Variants in NR3C2 observed in about 807,000 individuals in gnomAD.
NR3C2 encodes nuclear receptor subfamily 3 group C member 2.
In NR3C2, 15 loss-of-function variants were observed where a neutral mutation model predicts 86.4. The ratio of observed to expected loss-of-function variants is 0.17; its 90% confidence interval spans 0.12 to 0.27. The LOEUF is 0.27. Ranked by LOEUF, NR3C2 falls within the 10% of genes least tolerant of loss-of-function variation. The pLI, the probability that NR3C2 is intolerant of heterozygous loss-of-function variation, is 1.00. For synonymous variants in NR3C2, 458 were observed against 450.5 expected (o/e 1.02, Z -0.21); for missense variants, 960 against 1,195.6 (o/e 0.80, Z 2.91).
chr4:148,122,717 T>C (rs1249223422), intron 6 of NR3C2, among the ~76,000 whole-genome samples: 4 of 152,340 alleles, frequency 2.6e-5, no homozygotes, highest in South Asian at 2.1e-4. Flanking sequence ...CATTTTAATA[T>C]GGACATTTAT....
At chr4:148,175,503 T>C (rs1735333681) in intron 4 of NR3C2, among the ~76,000 whole-genome samples, 1 of 152,208 alleles carries the variant, frequency 6.6e-6, no homozygotes, top group African/African-American at 2.4e-5. Flanking sequence ...TGAATTTGGC[T>C]TAAAATTTCT....
At chr4:148,388,979 C>T (rs982003527) in intron 2 of NR3C2, among the ~76,000 whole-genome samples, 1 of 152,218 alleles carries the variant, frequency 6.6e-6, no homozygotes, top group African/African-American at 2.4e-5. Flanking sequence ...CAGGAGAAAG[C>T]TTTGCCTGGC....
chr4:148,196,238 G>C (rs1736436342), intron 3 of NR3C2, among the ~76,000 whole-genome samples: 1 of 152,172 alleles, frequency 6.6e-6, no homozygotes, highest in Admixed American at 6.5e-5. Context: ...TAGAAAAAGG[G>C]GACTGTCATT....
At chr4:148,160,712 A>AAT (rs1734618028) in intron 4 of NR3C2, among the ~76,000 whole-genome samples, 1 of 152,154 alleles carries the variant, frequency 6.6e-6, no homozygotes, top group Non-Finnish European at 1.5e-5. Context: ...GTTATATTAA[A>AAT]ATATATATAT....
At chr4:148,183,464 C>T (rs909352618) in intron 4 of NR3C2, among the ~76,000 whole-genome samples, 15 of 152,168 alleles carry the variant, frequency 9.9e-5, no homozygotes, top group East Asian at 3.8e-4. Flanking sequence ...CCTATTTCTC[C>T]GCATCCTCTC....
intron 2 of NR3C2, among the ~76,000 whole-genome samples, chr4:148,298,842 C>T (rs1742189253): frequency 6.6e-6 from 1 of 152,192 alleles, no homozygotes; most frequent in Non-Finnish European, 1.5e-5. Context: ...GAATAAGCAA[C>T]CTGTACCTAC....
At chr4:148,262,772 T>C (rs558286489) in intron 2 of NR3C2, among the ~76,000 whole-genome samples, 4 of 152,310 alleles carry the variant, frequency 2.6e-5, no homozygotes, top group African/African-American at 7.2e-5. Context: ...GAGAACACCA[T>C]GTTTAGATTA....
chr4:148,366,503 T>C (rs1746150980), intron 2 of NR3C2, among the ~76,000 whole-genome samples: 3 of 78,212 alleles, frequency 3.8e-5, no homozygotes, highest in Non-Finnish European at 6.1e-5. Context: ...AAAAGAATAC[T>C]AAGATATTCT....
At chr4:148,391,490 A>C (rs1233365074) in intron 2 of NR3C2, among the ~76,000 whole-genome samples, 1 of 152,234 alleles carries the variant, frequency 6.6e-6, no homozygotes, top group African/African-American at 2.4e-5. Flanking sequence ...CCCCAGAGAA[A>C]GGAAAGAAAG....
intron 2 of NR3C2, among the ~76,000 whole-genome samples, chr4:148,432,917 G>T (rs1037986856): frequency 1.3e-5 from 2 of 152,088 alleles, no homozygotes; most frequent in Non-Finnish European, 2.9e-5. Flanking sequence ...TAATCTATAA[G>T]AGATATCAAA....
chr4:148,197,507 A>T lies in NR3C2; in HGVS notation c.1898-2645T>A, dbSNP rs976466257. On this transcript the variant is annotated intron_variant, in intron 3 of 8. Transcript: ENST00000358102. ...CTTCTGTGAATTTTCAGTAAATGTA[A>T]CTAAGACTTTTTAGATTGTAGGCAT... is the stretch of plus-strand genomic sequence containing the variant. Among the ~76,000 whole-genome samples the T allele has an allele frequency of 1.4e-4, 21 of 152,288 alleles. No homozygotes were observed. The South Asian group carries it at 2.5e-3, about 18-fold the overall frequency.
intron 2 of NR3C2, among the ~76,000 whole-genome samples, chr4:148,355,552 C>A (rs1274794549): frequency 6.6e-6 from 1 of 152,136 alleles, no homozygotes; most frequent in Non-Finnish European, 1.5e-5. Flanking sequence ...GGCAGTGCCA[C>A]CTCTGTACTC....
intron 3 of NR3C2, among the ~76,000 whole-genome samples, chr4:148,199,848 T>G (rs1736629405): frequency 6.6e-6 from 1 of 152,184 alleles, no homozygotes; most frequent in Non-Finnish European, 1.5e-5. Context: ...AATCTCCCTA[T>G]GTAACAAACC....
intron 2 of NR3C2, among the ~76,000 whole-genome samples, chr4:148,280,534 T>C (rs1379438757): frequency 6.6e-6 from 1 of 152,158 alleles, no homozygotes; most frequent in African/African-American, 2.4e-5. Context: ...GATCTTACAT[T>C]ATTGCCCAGG....
At chr4:148,246,678 A>C (rs1011907924) in intron 3 of NR3C2, among the ~76,000 whole-genome samples, 1 of 152,104 alleles carries the variant, frequency 6.6e-6, no homozygotes, top group Non-Finnish European at 1.5e-5. Context: ...CAGCCTCCAG[A>C]GTAGCTGGGA....
intron 2 of NR3C2, among the ~76,000 whole-genome samples, chr4:148,396,092 G>A (rs543094433): frequency 2.0e-5 from 3 of 152,226 alleles, no homozygotes; most frequent in African/African-American, 7.2e-5. Flanking sequence ...ACAGGAAAAT[G>A]GGCAATTTAT....
chr4:148,303,551 G>A (rs2356395), intron 2 of NR3C2, among the ~76,000 whole-genome samples: 31,406 of 151,736 alleles, frequency 0.21, 4,105 homozygotes, highest in East Asian at 0.43. Flanking sequence ...TTTGTTGGAG[G>A]GACTCAATTC....
At chr4:148,341,104 A>G (rs1744725683) in intron 2 of NR3C2, among the ~76,000 whole-genome samples, 1 of 152,164 alleles carries the variant, frequency 6.6e-6, no homozygotes, top group Non-Finnish European at 1.5e-5. Flanking sequence ...CATATAATCC[A>G]GCAATGTAAA....
At chr4:148,258,804 T>C (rs1739951733) in intron 3 of NR3C2, among the ~76,000 whole-genome samples, 1 of 152,220 alleles carries the variant, frequency 6.6e-6, no homozygotes, top group Admixed American at 6.5e-5. Flanking sequence ...GCTGGGACTT[T>C]CCAGTATGTG....
Sources: gnomAD v4.1 joint callset for allele counts (sites outside exome capture counted in the v4.1 genomes callset) on GRCh38, gnomAD v4.1.1 for gene constraint, MANE v1.5 for transcripts, NCBI Gene and HGNC (gene_info 2026-07-23, HGNC 2026-07-21) for gene names.